Variants in ALDH5A1 observed in about 807,000 individuals in gnomAD.
ALDH5A1 encodes the protein succinate-semialdehyde dehydrogenase, mitochondrial.
Under a neutral mutation model 54.7 loss-of-function variants are expected in ALDH5A1, and 33 were observed. The observed-to-expected ratio is 0.60, with a 90% CI of 0.46 to 0.81. The LOEUF (loss-of-function observed/expected upper bound fraction) is 0.81. ALDH5A1 is among the 30% of genes least tolerant of loss of function. The pLI, the probability that ALDH5A1 is intolerant of heterozygous loss-of-function variation, is 0.00. For synonymous variants in ALDH5A1, 294 were observed against 292.7 expected (o/e 1.00, Z -0.05); for missense variants, 657 against 711.0 (o/e 0.92, Z 0.86).
chr6:24,496,654 G>A (rs1322439162), intron 1 of ALDH5A1, among the ~76,000 whole-genome samples: 1 of 152,178 alleles, frequency 6.6e-6, no homozygotes, highest in Non-Finnish European at 1.5e-5. Flanking sequence ...AGTCTGAGAT[G>A]TCTGTTCACG....
intron 4 of ALDH5A1, among the ~76,000 whole-genome samples, chr6:24,506,364 T>C (rs1246651162): frequency 6.8e-6 from 1 of 146,648 alleles, no homozygotes; most frequent in Non-Finnish European, 1.5e-5. Context: ...AGCAATTTTC[T>C]GCCTCAGCCT....
At position 24,534,024 on chromosome 6, in the gene ALDH5A1, A is replaced by G. The variant is rs1390681091; in HGVS notation, c.*312A>G. 1.1e-5 allele frequency: 4 copies of G among 350,160 alleles called. No individual in the cohort carries two copies. Among genetic ancestry groups the G allele is most frequent in the East Asian group, 7.0e-5 (1 of 14,362 alleles). 21.7% of individuals were successfully genotyped at this position (350,160 alleles called of 1,614,324 possible). A position where few individuals can be genotyped will look rare whatever the true frequency, so the allele number is the denominator to read the frequency against. On this transcript the variant is annotated 3_prime_UTR_variant, in exon 10 of 10. Coordinates refer to ENST00000357578, the MANE Select transcript of ALDH5A1 (RefSeq NM_001080.3). Reference sequence around the variant, plus strand: ...CACAGCACAAGGCAGGCCCAGCCCCATGGGCCGTCACAAAGGCTTGATCAC... The same window carrying G: ...CACAGCACAAGGCAGGCCCAGCCCCGTGGGCCGTCACAAAGGCTTGATCAC...
intron 3 of ALDH5A1, 149 bp from the exon 4 acceptor site, chr6:24,504,720 A>G (rs1381947028): frequency 2.6e-6 from 2 of 773,720 alleles, no homozygotes; most frequent in Non-Finnish European, 4.7e-6. Flanking sequence ...CGGGGGGGTC[A>G]GGTGTTCTGA....
intron 5 of ALDH5A1, among the ~76,000 whole-genome samples, chr6:24,519,185 G>C (rs945370398): frequency 6.6e-6 from 1 of 151,968 alleles, no homozygotes; most frequent in Non-Finnish European, 1.5e-5. Context: ...TGGCAAGGAT[G>C]GAAACAACCT....
intron 3 of ALDH5A1, among the ~76,000 whole-genome samples, chr6:24,504,423 G>A (rs1759294679): frequency 6.6e-6 from 1 of 152,112 alleles, no homozygotes; most frequent in Admixed American, 6.5e-5. Flanking sequence ...TACTCCCATG[G>A]GCCTCAGGCC....
chr6:24,524,348 G>C (rs1301753052), intron 7 of ALDH5A1, among the ~76,000 whole-genome samples: 1 of 152,184 alleles, frequency 6.6e-6, no homozygotes. Context: ...TTGTGTGTGG[G>C]AAAGAAGGGA....
At chr6:24,511,818 A>G in intron 4 of ALDH5A1, 1 of 512,606 alleles carries the variant, frequency 2.0e-6, no homozygotes, top group South Asian at 3.7e-5. Context: ...AACTATCTGA[A>G]TTCTTTTTCA....
In ALDH5A1 at chr6:24,509,372, A is replaced by G. The variant is rs1581811628; in HGVS notation, c.726+4387A>G. On this transcript the variant is annotated intron_variant, in intron 4 of 9. Coordinates refer to ENST00000357578, the MANE Select transcript of ALDH5A1 (RefSeq NM_001080.3). This position sits in a 1 kb window ranked among gnomAD's most constrained non-coding sequence, Gnocchi z 4.7. ...TCCCAGCACCATTTGTTGAGGGAGG[A>G]TTCCCTCTTTCTCTATCTTGTGGAA... Among the ~76,000 whole-genome samples the G allele has an allele frequency of 6.6e-6, 1 of 152,128 alleles. No homozygotes were observed. The highest frequency in any genetic ancestry group is 1.5e-5 in the Non-Finnish European group (1 of 68,004).
intron 7 of ALDH5A1, among the ~76,000 whole-genome samples, chr6:24,525,077 C>T (rs1759774993): frequency 6.6e-6 from 1 of 152,116 alleles, no homozygotes; most frequent in African/African-American, 2.4e-5. Context: ...TTGGTGGAAA[C>T]CACCTTGTTT....
intron 5 of ALDH5A1, among the ~76,000 whole-genome samples, chr6:24,517,032 A>G (rs72834962): frequency 6.6e-5 from 10 of 151,656 alleles, no homozygotes; most frequent in Non-Finnish European, 1.2e-4. Context: ...TTTTTTTGAG[A>G]CAGTTGCCCT....
chr6:24,499,911 G>A (rs1743356799), intron 1 of ALDH5A1, among the ~76,000 whole-genome samples: 2 of 152,148 alleles, frequency 1.3e-5, no homozygotes, highest in East Asian at 1.9e-4. Flanking sequence ...CGCCCGCCTC[G>A]GCCTCCCGAA....
At chr6:24,502,699 G>C (rs558343705) in intron 2 of ALDH5A1, 93 bp downstream of exon 2, 23 of 883,716 alleles carry the variant, frequency 2.6e-5, no homozygotes, top group Admixed American at 2.0e-4. Flanking sequence ...TTCACTGCTG[G>C]CTGTAGCTGA....
intron 1 of ALDH5A1, among the ~76,000 whole-genome samples, chr6:24,501,176 G>A (rs2127381682): frequency 1.3e-5 from 2 of 152,304 alleles, no homozygotes; most frequent in Middle Eastern, 6.8e-3. Flanking sequence ...GGTAGTCTAA[G>A]TGTTTAGCTA....
Position 24,518,588 on chromosome 6 carries a change from T to G in ALDH5A1, c.871-1813T>G, listed in dbSNP as rs807514. 0.2 allele frequency among the ~76,000 whole-genome samples: 29,893 copies of G among 152,254 alleles called. 3,363 individuals carry two copies. The highest frequency in any genetic ancestry group is 0.26 in the Non-Finnish European group (17,416 of 68,002). On this transcript the variant is annotated intron_variant, in intron 5 of 9. Coordinates refer to ENST00000357578, the MANE Select transcript of ALDH5A1 (RefSeq NM_001080.3). This position sits in a 1 kb window ranked among gnomAD's most constrained non-coding sequence, Gnocchi z 4.2. ...TTTTAAATAAAAACATAAAAAAAGT[T>G]TAAATAGTTATGTTGCGTCCGATAA...
intron 4 of ALDH5A1, among the ~76,000 whole-genome samples, chr6:24,505,603 A>G (rs926406948): frequency 1.3e-5 from 2 of 152,070 alleles, no homozygotes; most frequent in Non-Finnish European, 1.5e-5. Flanking sequence ...AGATACCCCT[A>G]TAACTTGCTT....
chr6:24,525,471 G>T (rs1759781756), intron 7 of ALDH5A1, among the ~76,000 whole-genome samples: 2 of 152,016 alleles, frequency 1.3e-5, no homozygotes, highest in African/African-American at 4.8e-5. Flanking sequence ...GCTGAGGCGG[G>T]TGGGTCACTT....
Position 24,495,075 on chromosome 6 carries a change from C to A in ALDH5A1, c.79C>A (p.Arg27Ser), listed in dbSNP as rs779798309. Residue 27 changes from arginine (R) to serine (S), a missense_variant, in exon 1 of 10, where the codon CGC becomes AGC. Arg to Ser is a moderately radical substitution (Grantham distance 110). Coordinates refer to ENST00000357578, the MANE Select transcript of ALDH5A1 (RefSeq NM_001080.3). ...GTTTCCAGGCTGCCGCCTCCGCCCC[C>A]GCGCCGGCGGCCTGGTCCCTGCCTC... ...STFPGCRLRPRAGGLVPASGP... is the reference protein window; with the variant it reads ...STFPGCRLRPSAGGLVPASGP... The A allele has an allele frequency of 2.3e-6, 3 of 1,323,682 alleles. No individual in the cohort carries two copies. Among genetic ancestry groups the A allele is most frequent in the African/African-American group, 1.5e-5 (1 of 66,160 alleles). 82.0% of individuals were successfully genotyped at this position (1,323,682 alleles called of 1,614,324 possible). A position where few individuals can be genotyped will look rare whatever the true frequency, so the allele number is the denominator to read the frequency against.
intron 5 of ALDH5A1, among the ~76,000 whole-genome samples, chr6:24,517,943 A>G (rs1163623560): frequency 1.3e-5 from 2 of 152,216 alleles, no homozygotes; most frequent in Non-Finnish European, 2.9e-5. Flanking sequence ...CCCCGCTGAG[A>G]GGACAGCAGC....
At chr6:24,515,979 A>C (rs1187842339) in intron 5 of ALDH5A1, among the ~76,000 whole-genome samples, 1 of 152,196 alleles carries the variant, frequency 6.6e-6, no homozygotes, top group Non-Finnish European at 1.5e-5. Context: ...ATTAATGTTG[A>C]AATGGATGTT....
Sources: allele counts gnomAD v4.1 joint callset (sites outside exome capture counted in the v4.1 genomes callset), GRCh38; gene constraint gnomAD v4.1.1; non-coding constraint Gnocchi (gnomAD v3.1); transcripts MANE v1.5; gene names NCBI Gene and HGNC (gene_info 2026-07-23, HGNC 2026-07-21).